The following HK2 variants were observed in gnomAD, a reference collection of about 807,000 sequenced individuals.
HK2 encodes hexokinase 2, also known as hexokinase-2.
Under a neutral mutation model 92.9 loss-of-function variants are expected in HK2, and 42 were observed. That is an observed-to-expected ratio of 0.45 (90% CI 0.35 to 0.58). The LOEUF is 0.58. HK2 is among the 20% of genes least tolerant of loss of function. HK2 has a pLI of 0.00. For missense variants in HK2, 978 were observed against 1,245.1 expected, an observed-to-expected ratio of 0.79 and a Z score of 3.23; for synonymous variants, 422 against 468.0, an observed-to-expected ratio of 0.90 and a Z score of 1.27.
Position 74,834,960 on chromosome 2 carries a change from C to T in HK2, c.63+317C>T, listed in dbSNP as rs997942472. Among the ~76,000 whole-genome samples, 5 of 152,296 alleles carry T rather than the reference C, an allele frequency of 3.3e-5. No homozygotes were observed. The highest frequency in any genetic ancestry group is 4.1e-4 in the South Asian group (2 of 4,832). ...AGGGGCGGGTCACCCCGCAGGTAGT[C>T]AGGGATTGCTGCGCCCACGTGGGAG... On this transcript the variant is annotated intron_variant, in intron 1 of 17. Coordinates refer to ENST00000290573, the MANE Select transcript of HK2 (RefSeq NM_000189.5). The surrounding 1 kb of genome is among the most constrained non-coding windows in gnomAD (Gnocchi z 4.2).
rs1689613621 is a variant in HK2, at chr2:74,889,282, C to G, written c.2413C>G (p.Gln805Glu). Residue 805 changes from glutamine to glutamate, a missense_variant, in exon 17 of 18, where the codon CAA becomes GAA. By Grantham distance (29) the Gln-to-Glu change is conservative (BLOSUM62 2). Coordinates refer to ENST00000290573, the MANE Select transcript of HK2 (RefSeq NM_000189.5). ...LALLQVRAIL[Q>E]HLGLESTCDD... is the part of the protein sequence containing the mutation. ...CCTGCTGCAAGTCCGAGCCATCCTG[C>G]AACACTTAGGGCTTGAGAGCACCTG... is the stretch of plus-strand genomic sequence containing the variant. 6.2e-7 allele frequency: 1 copy of G among 1,614,234 alleles called. No individual in the cohort carries two copies. Among genetic ancestry groups the G allele is most frequent in the African/African-American group, 1.3e-5 (1 of 75,068 alleles).
chr2:74,877,679 C>G (rs1378378956), intron 8 of HK2, among the ~76,000 whole-genome samples: 1 of 152,180 alleles, frequency 6.6e-6, no homozygotes, highest in Non-Finnish European at 1.5e-5. Flanking sequence ...ATCTGATTCC[C>G]TATTGGCAAT....
chr2:74,886,184 C>T (rs1183961637), intron 13 of HK2, 110 bp from the exon 14 acceptor site: 7 of 839,750 alleles, frequency 8.3e-6, no homozygotes, highest in African/African-American at 1.7e-5. Context: ...AGAGGGTCAG[C>T]CATGGTGTAT....
At chr2:74,873,743 G>GAGA (rs1185829204) in intron 5 of HK2, 101 bp from the exon 6 acceptor site, 19 of 752,060 alleles carry the variant, frequency 2.5e-5, no homozygotes, top group African/African-American at 1.6e-4. Flanking sequence ...GGGAGAGAGA[G>GAGA]AGAAGGAGGA....
At chr2:74,852,686 A>AT (rs994326918) in intron 1 of HK2, among the ~76,000 whole-genome samples, 2 of 151,912 alleles carry the variant, frequency 1.3e-5, no homozygotes, top group African/African-American at 4.8e-5. Context: ...CAATTAAAAG[A>AT]TTAAAAAAAA....
intron 2 of HK2, among the ~76,000 whole-genome samples, chr2:74,863,801 G>A (rs1263427743): frequency 6.6e-6 from 1 of 152,178 alleles, no homozygotes; most frequent in Non-Finnish European, 1.5e-5. Context: ...CACTGGAAAT[G>A]ATATTGTAGG....
At chr2:74,846,105 G>C (rs768631926) in intron 1 of HK2, among the ~76,000 whole-genome samples, 2 of 152,152 alleles carry the variant, frequency 1.3e-5, no homozygotes, top group African/African-American at 2.4e-5. Flanking sequence ...AGAGAGTTGT[G>C]GTAAAACACT....
chr2:74,874,205 G>A (rs920412932), intron 6 of HK2, 61 bp from the exon 7 acceptor site: 3 of 1,601,122 alleles, frequency 1.9e-6, no homozygotes, highest in East Asian at 2.2e-5. Context: ...TAGTATAAGA[G>A]GGAAGAGGGG....
intron 1 of HK2, among the ~76,000 whole-genome samples, chr2:74,838,181 T>A (rs1433128483): frequency 1.3e-5 from 2 of 152,210 alleles, no homozygotes; most frequent in Admixed American, 1.3e-4. Context: ...GGTTCCTTCC[T>A]CAGGGCAGGG....
intron 1 of HK2, among the ~76,000 whole-genome samples, chr2:74,852,584 G>A (rs905769555): frequency 1.3e-5 from 2 of 152,126 alleles, no homozygotes; most frequent in African/African-American, 4.8e-5. Flanking sequence ...TGGAGGGTGG[G>A]GGGCTAGTGC....
chr2:74,859,585 C>T (rs190632762), intron 2 of HK2, among the ~76,000 whole-genome samples: 2 of 152,200 alleles, frequency 1.3e-5, no homozygotes, highest in Admixed American at 1.3e-4. Flanking sequence ...ATGGTGTGAA[C>T]CCGGGAGGCA....
At chr2:74,857,299 A>G (rs911915172) in intron 2 of HK2, among the ~76,000 whole-genome samples, 6 of 152,230 alleles carry the variant, frequency 3.9e-5, no homozygotes, top group African/African-American at 1.2e-4. Context: ...GTGCTAGTCT[A>G]TTCACACAAA....
At chr2:74,871,593 C>T (rs1050786127) in intron 3 of HK2, among the ~76,000 whole-genome samples, 2 of 152,112 alleles carry the variant, frequency 1.3e-5, no homozygotes, top group Non-Finnish European at 1.5e-5. Context: ...ACAGTGAGTG[C>T]GTGCGGTCAC....
intron 2 of HK2, among the ~76,000 whole-genome samples, chr2:74,855,277 C>G (rs901771574): frequency 5.3e-5 from 8 of 152,122 alleles, no homozygotes; most frequent in African/African-American, 1.9e-4. Context: ...TTACAGCTAC[C>G]GCGCCCGCTG....
Position 74,882,605 on chromosome 2 carries a change from T to TTATATA in HK2, c.1839+377_1839+382dup, listed in dbSNP as rs141761906. On this transcript the variant is annotated intron_variant, in intron 12 of 17. Transcript: ENST00000290573. Reference sequence around the variant, plus strand: ...TAGGAAGACCCCATCTCTATTGAACTTATATATATATATATAGCATTTTTA... The same window carrying TTATATA: ...TAGGAAGACCCCATCTCTATTGAACTTATATATATATATATATATATAGCATTTTTA... Among the ~76,000 whole-genome samples, 169 of 75,732 alleles carry TTATATA rather than the reference T, an allele frequency of 2.2e-3. 37 individuals are homozygous for TTATATA. In the Middle Eastern group the frequency reaches 0.08, roughly 36 times the overall value. The allele number at this position is 75,732 out of a possible 152,430, so 49.7% of individuals were successfully genotyped here.
chr2:74,893,037 T>TTTG lies in HK2; in HGVS notation c.*2098_*2099insGTT, dbSNP rs1689720604. On this transcript the variant is annotated 3_prime_UTR_variant, in exon 18 of 18. Coordinates refer to ENST00000290573, the MANE Select transcript of HK2 (RefSeq NM_000189.5). The stretch of plus-strand genomic sequence containing the variant: ...GTACTATCTGTGAAGTTACACTTTT[T>TTTG]TTTTTTTTTTTAAAGGTAGAGATGT... 6.6e-6 allele frequency: 1 copy of TTTG among 151,988 alleles called. No individual in the cohort carries two copies. The highest frequency in any genetic ancestry group is 1.5e-5 in the Non-Finnish European group (1 of 67,996). The allele number at this position is 151,988 out of a possible 1,614,324, so 9.4% of individuals were successfully genotyped here.
In HK2 at chr2:74,881,917, G is replaced by A. The variant is rs556311780; in HGVS notation, c.1719+58G>A. 4.2e-5 allele frequency: 66 copies of A among 1,585,004 alleles called. 1 individual carries two copies. The Admixed American group carries it at 6.2e-4, about 15-fold the overall frequency. ...CTGGTGGACGTCACCTCTTGCCTTC[G>A]AGGACAGTGCTTTCTCTGCTCATCT... is the stretch of plus-strand genomic sequence containing the variant. On this transcript the variant is annotated intron_variant, in intron 11 of 17. Transcript: ENST00000290573.
At chr2:74,835,065 G>A (rs562153115) in intron 1 of HK2, 495 of 265,096 alleles carry the variant, frequency 1.9e-3, no homozygotes, top group Non-Finnish European at 2.9e-3. Flanking sequence ...CCGCTGCCGC[G>A]TGGGGCCGCC....
Position 74,891,867 on chromosome 2 carries a change from C to T in HK2, c.*926C>T, listed in dbSNP as rs1003669429. 2 of 152,486 alleles carry T rather than the reference C, an allele frequency of 1.3e-5. No individual in the cohort carries two copies. Among genetic ancestry groups the T allele is most frequent in the Admixed American group, 6.5e-5 (1 of 15,272 alleles). The allele number at this position is 152,486 out of a possible 1,614,324, so 9.4% of individuals were successfully genotyped here. ...ATGTGCAAGTCTTGTCAGAATTGGC[C>T]TCAGTGTAGTTAAAGGGCAGAAGGG... is the stretch of plus-strand genomic sequence containing the variant. On this transcript the variant is annotated 3_prime_UTR_variant, in exon 18 of 18. Coordinates refer to ENST00000290573, the MANE Select transcript of HK2 (RefSeq NM_000189.5).
Sources: allele counts gnomAD v4.1 joint callset (sites outside exome capture counted in the v4.1 genomes callset), GRCh38; gene constraint gnomAD v4.1.1; non-coding constraint Gnocchi (gnomAD v3.1); transcripts MANE v1.5; gene names NCBI Gene and HGNC (gene_info 2026-07-23, HGNC 2026-07-21).